The following CCDC91 variants were observed in gnomAD, a reference collection of about 807,000 sequenced individuals.
CCDC91 encodes coiled-coil domain containing 91, also known as coiled-coil domain-containing protein 91.
A neutral mutation model predicts 63.2 loss-of-function variants in CCDC91; 48 were observed. The ratio of observed to expected loss-of-function variants is 0.76; its 90% CI spans 0.60 to 0.97. CCDC91 has a LOEUF of 0.97. CCDC91 is among the 50% of genes least tolerant of loss of function. The pLI is 0.00. For synonymous variants in CCDC91, 167 were observed against 165.8 expected (o/e 1.01, Z -0.06); for missense variants, 500 against 494.6 (o/e 1.01, Z -0.10).
chr12:28,306,004 G>T (rs764483759), intron 4 of CCDC91, among the ~76,000 whole-genome samples, 198 bp downstream of exon 4: 5 of 152,030 alleles, frequency 3.3e-5, no homozygotes, highest in African/African-American at 4.8e-5. Flanking sequence ...CAATTGCAAA[G>T]TATTTAAGTA....
At chr12:28,393,824 A>G (rs1372422826) in intron 8 of CCDC91, among the ~76,000 whole-genome samples, 1 of 152,098 alleles carries the variant, frequency 6.6e-6, no homozygotes. Flanking sequence ...TCTTTTTCTT[A>G]TAATGCCTTC....
At chr12:28,257,929 G>T (rs1351533211) in intron 2 of CCDC91, among the ~76,000 whole-genome samples, 3 of 115,206 alleles carry the variant, frequency 2.6e-5, no homozygotes, top group Non-Finnish European at 3.9e-5. Context: ...GGAATGCTGT[G>T]ATTTTTTTTT....
chr12:28,224,986 G>T lies in CCDC91; in HGVS notation c.-14-32216G>T, dbSNP rs1384834597. Among the ~76,000 whole-genome samples, 4 of 152,060 alleles carry T rather than the reference G, an allele frequency of 2.6e-5. No homozygotes were observed. The East Asian group carries it at 5.8e-4, about 22-fold the overall frequency. ...ACTTATTTAAGAAAGGAGGAAATTG[G>T]ACCCTAGATATTAGGTGACCATCTT... On this transcript the variant is annotated intron_variant, in intron 1 of 12. Coordinates refer to ENST00000536442, the MANE Select transcript of CCDC91 (RefSeq NM_018318.5).
At chr12:28,377,126 T>A (rs918589124) in intron 7 of CCDC91, among the ~76,000 whole-genome samples, 9 of 151,612 alleles carry the variant, frequency 5.9e-5, no homozygotes, top group Non-Finnish European at 1.3e-4. Context: ...CCTATTTTTT[T>A]TTTTTTTAAT....
chr12:28,358,195 T>A (rs939532481), intron 6 of CCDC91, among the ~76,000 whole-genome samples: 6 of 152,214 alleles, frequency 3.9e-5, no homozygotes, highest in South Asian at 2.1e-4. Flanking sequence ...AAAATTTTTT[T>A]AATTTATATG....
Position 28,279,906 on chromosome 12 carries a change from CTT to C in CCDC91, c.109+20467_109+20468del, listed in dbSNP as rs1281694854. On this transcript the variant is annotated intron_variant, in intron 3 of 12. Transcript: ENST00000536442. ...ATATATACGATGCAGTGTTCATACA[CTT>C]TTGTTTATGCAGTCGGGTGTGGTCT... 2.8e-5 allele frequency among the ~76,000 whole-genome samples: 4 copies of C among 143,382 alleles called. No homozygotes were observed. In the East Asian group the frequency reaches 5.8e-4, roughly 21 times the overall value. The allele number at this position is 143,382 out of a possible 152,430, so 94.1% of individuals were successfully genotyped here.
chr12:28,264,585 C>CTGTATGTGTGTGTGTGTGTGTGTGTG (rs1555169638), intron 3 of CCDC91, among the ~76,000 whole-genome samples: 2 of 137,258 alleles, frequency 1.5e-5, no homozygotes, highest in East Asian at 2.1e-4. Flanking sequence ...ATATGTCTGT[C>CTGTATGTGTGTGTGTGTGTGTGTGTG]TGTGTGTGTG....
At chr12:28,343,237 C>A (rs1942570747) in intron 6 of CCDC91, among the ~76,000 whole-genome samples, 1 of 150,950 alleles carries the variant, frequency 6.6e-6, no homozygotes, top group Admixed American at 6.6e-5. Context: ...CATATACAAC[C>A]CCTCTTAATG....
intron 7 of CCDC91, among the ~76,000 whole-genome samples, chr12:28,374,492 A>T (rs1454147273): frequency 6.6e-6 from 1 of 152,198 alleles, no homozygotes; most frequent in Non-Finnish European, 1.5e-5. Flanking sequence ...TGCTTCAAAT[A>T]TTAATTTAAA....
chr12:28,233,889 C>A (rs1176721423), intron 1 of CCDC91, among the ~76,000 whole-genome samples: 1 of 151,924 alleles, frequency 6.6e-6, no homozygotes, highest in Non-Finnish European at 1.5e-5. Flanking sequence ...TATTGCTTAA[C>A]TCTTGGTATC....
chr12:28,375,073 G>A (rs1285127640), intron 7 of CCDC91, among the ~76,000 whole-genome samples: 1 of 151,688 alleles, frequency 6.6e-6, no homozygotes, highest in Admixed American at 6.6e-5. Flanking sequence ...TTTGAATTCA[G>A]ACAGACCTGG....
At chr12:28,417,425 T>C (rs576926256) in intron 8 of CCDC91, among the ~76,000 whole-genome samples, 8 of 152,260 alleles carry the variant, frequency 5.3e-5, no homozygotes, top group Middle Eastern at 3.4e-3. Flanking sequence ...CCATCCCTGA[T>C]ACTTGGCAGT....
intron 6 of CCDC91, among the ~76,000 whole-genome samples, chr12:28,325,599 T>C (rs1176076465): frequency 6.6e-6 from 1 of 151,930 alleles, no homozygotes; most frequent in East Asian, 1.9e-4. Context: ...GTTATAATTT[T>C]TAGTGAAGTG....
chr12:28,209,631 A>G (rs1943093981), intron 1 of CCDC91, among the ~76,000 whole-genome samples: 1 of 152,080 alleles, frequency 6.6e-6, no homozygotes, highest in African/African-American at 2.4e-5. Flanking sequence ...GGGTTTCGTC[A>G]TGTTGACCAG....
chr12:28,225,352 G>A (rs1680311570), intron 1 of CCDC91, among the ~76,000 whole-genome samples: 1 of 152,052 alleles, frequency 6.6e-6, no homozygotes, highest in African/African-American at 2.4e-5. Context: ...ATCATATTAA[G>A]GTAATTTTTA....
chr12:28,465,713 C>T (rs982490522), intron 11 of CCDC91, among the ~76,000 whole-genome samples: 11 of 152,094 alleles, frequency 7.2e-5, no homozygotes, highest in African/African-American at 2.7e-4. Flanking sequence ...TACAAAAAAG[C>T]CCAGACTGCA....
intron 8 of CCDC91, among the ~76,000 whole-genome samples, chr12:28,402,790 T>C (rs1376278533): frequency 6.6e-6 from 1 of 152,138 alleles, no homozygotes; most frequent in Admixed American, 6.6e-5. Flanking sequence ...ATTTTTATTG[T>C]TATTCTTTAT....
intron 12 of CCDC91, among the ~76,000 whole-genome samples, chr12:28,503,116 C>T (rs375250750): frequency 6.6e-6 from 1 of 151,998 alleles, no homozygotes; most frequent in Non-Finnish European, 1.5e-5. Context: ...TTCTGCACAG[C>T]AAAAGAAACT....
intron 3 of CCDC91, among the ~76,000 whole-genome samples, chr12:28,301,949 A>G (rs1592248628): frequency 6.6e-6 from 1 of 151,554 alleles, no homozygotes; most frequent in Non-Finnish European, 1.5e-5. Flanking sequence ...GTTAGTTACT[A>G]TTTTGTTTAA....
Sources: allele counts gnomAD v4.1 joint callset (sites outside exome capture counted in the v4.1 genomes callset), GRCh38; gene constraint gnomAD v4.1.1; transcripts MANE v1.5; gene names NCBI Gene and HGNC (gene_info 2026-07-23, HGNC 2026-07-21).